Variants in RABGAP1L observed in about 807,000 individuals in gnomAD.
RABGAP1L encodes RAB GTPase activating protein 1 like.
RABGAP1L carries 63 observed loss-of-function variants against 137.7 expected under a neutral mutation model. The ratio of observed to expected loss-of-function variants is 0.46; its 90% confidence interval spans 0.37 to 0.56. The LOEUF is 0.56. Among genes scored for constraint, RABGAP1L ranks in the 20% least tolerant of loss-of-function variants. The pLI is 0.00. For missense variants in RABGAP1L, 1,095 were observed against 1,244.0 expected, an observed-to-expected ratio of 0.88 and a Z score of 1.80; for synonymous variants, 431 against 433.7, an observed-to-expected ratio of 0.99 and a Z score of 0.08.
At chr1:174,559,789 A>T (rs187718638) in intron 13 of RABGAP1L, among the ~76,000 whole-genome samples, 131 of 152,318 alleles carry the variant, frequency 8.6e-4, no homozygotes, top group African/African-American at 2.7e-3. Flanking sequence ...CCAGAAGTCC[A>T]CCTACCAGTG....
intron 14 of RABGAP1L, among the ~76,000 whole-genome samples, chr1:174,648,469 A>G (rs1041985054): frequency 6.6e-6 from 1 of 152,092 alleles, no homozygotes; most frequent in Non-Finnish European, 1.5e-5. Flanking sequence ...TTACCCAGTA[A>G]ACATTCCACA....
intron 20 of RABGAP1L, among the ~76,000 whole-genome samples, chr1:174,960,742 GGA>G (rs1401928472): frequency 6.6e-6 from 1 of 152,160 alleles, no homozygotes; most frequent in Non-Finnish European, 1.5e-5. Context: ...GAAGCAGGAG[GGA>G]GAGCTTCCTG....
Position 174,200,919 on chromosome 1 carries a change from T to A in RABGAP1L, c.-33-18206T>A, listed in dbSNP as rs372340638. Among the ~76,000 whole-genome samples the A allele has an allele frequency of 5.9e-5, 9 of 152,208 alleles. No individual in the cohort carries two copies. In the East Asian group the frequency reaches 1.2e-3, roughly 20 times the overall value. ...ATGTGTCCCCGTTTGGTTTCAGTTA[T>A]CCACATCTGAAGTCACTGTGGCTTT... On this transcript the variant is annotated intron_variant, in intron 1 of 25. Coordinates refer to ENST00000681986, the MANE Select transcript of RABGAP1L (RefSeq NM_001366446.1).
chr1:174,596,830 T>TA lies in RABGAP1L; in HGVS notation c.1711-40545_1711-40544insA, dbSNP rs1390298474. ...GAAAGATTTTCAGGTTTTACGCATA[T>TA]GTAGATGTGGTTCTTTTCTATATGG... On this transcript the variant is annotated intron_variant, in intron 13 of 25. Transcript: ENST00000681986. Among the ~76,000 whole-genome samples, 18 of 152,262 alleles carry TA rather than the reference T, an allele frequency of 1.2e-4. No individual in the cohort carries two copies. The South Asian group carries it at 1.4e-3, about 12-fold the overall frequency.
chr1:174,464,996 A>G (rs59102371), intron 13 of RABGAP1L, among the ~76,000 whole-genome samples: 5,271 of 151,962 alleles, frequency 0.035, 121 homozygotes, highest in Middle Eastern at 0.088. Context: ...GAGCCCCAAA[A>G]TCTTCCTATT....
intron 14 of RABGAP1L, among the ~76,000 whole-genome samples, chr1:174,651,173 A>C (rs1342885837): frequency 6.6e-6 from 1 of 151,578 alleles, no homozygotes. Context: ...CCTGAGTTCT[A>C]GTTTGATTGC....
intron 17 of RABGAP1L, among the ~76,000 whole-genome samples, chr1:174,739,863 T>C (rs941990309): frequency 2.6e-5 from 4 of 152,242 alleles, no homozygotes; most frequent in Non-Finnish European, 5.9e-5. Context: ...TAAAGTGTTA[T>C]ACAGATGGTG....
At chr1:174,347,163 A>G (rs1428786187) in intron 11 of RABGAP1L, among the ~76,000 whole-genome samples, 3 of 152,142 alleles carry the variant, frequency 2.0e-5, no homozygotes, top group African/African-American at 7.2e-5. Context: ...ATGATCCATG[A>G]GCTGAGGAGA....
chr1:174,298,237 T>TA (rs1677313783), intron 10 of RABGAP1L, among the ~76,000 whole-genome samples: 1 of 152,148 alleles, frequency 6.6e-6, no homozygotes, highest in African/African-American at 2.4e-5. Context: ...TTCCGTCTTC[T>TA]GTCCTTGCAT....
chr1:174,225,494 C>CT (rs59323156), intron 3 of RABGAP1L, among the ~76,000 whole-genome samples: 1,467 of 105,674 alleles, frequency 0.014, 23 homozygotes, highest in African/African-American at 0.027. Flanking sequence ...AGAATGTTGA[C>CT]TTTTTTTTTT....
At chr1:174,703,145 G>A (rs897551254) in intron 17 of RABGAP1L, among the ~76,000 whole-genome samples, 1 of 151,894 alleles carries the variant, frequency 6.6e-6, no homozygotes, top group Non-Finnish European at 1.5e-5. Flanking sequence ...AAATTTAAGG[G>A]GTACAAGTGA....
chr1:174,368,268 G>C (rs145084639), intron 11 of RABGAP1L, among the ~76,000 whole-genome samples: 69 of 152,290 alleles, frequency 4.5e-4, no homozygotes, highest in African/African-American at 1.5e-3. Context: ...ATGGATTGCT[G>C]ATAGTTCAGT....
intron 11 of RABGAP1L, among the ~76,000 whole-genome samples, chr1:174,354,250 A>T (rs1365981169): frequency 6.6e-6 from 1 of 151,438 alleles, no homozygotes; most frequent in African/African-American, 2.4e-5. Context: ...TTTTTTTTTA[A>T]ATTCAATTTA....
chr1:174,185,146 C>G (rs1395607868), intron 1 of RABGAP1L, among the ~76,000 whole-genome samples: 1 of 152,200 alleles, frequency 6.6e-6, no homozygotes, highest in Non-Finnish European at 1.5e-5. Flanking sequence ...TGTCAGTGCT[C>G]TCTGCTATCC....
At chr1:174,588,112 C>G (rs951833214) in intron 13 of RABGAP1L, among the ~76,000 whole-genome samples, 1 of 151,758 alleles carries the variant, frequency 6.6e-6, no homozygotes, top group Admixed American at 6.6e-5. Flanking sequence ...GTGATCCACC[C>G]GCCTCGGCTT....
Position 174,876,293 on chromosome 1 carries a change from C to G in RABGAP1L, c.2340+64333C>G, listed in dbSNP as rs34172033. Reference sequence around the variant, plus strand: ...TCAACTTATTTCTTTTGATTTTAGACGAACTTGCCAAATTAATTTCTAGTT... The same window carrying G: ...TCAACTTATTTCTTTTGATTTTAGAGGAACTTGCCAAATTAATTTCTAGTT... On this transcript the variant is annotated intron_variant, in intron 19 of 25. Transcript: ENST00000681986. 4.0e-3 allele frequency among the ~76,000 whole-genome samples: 609 copies of G among 152,150 alleles called. 2 individuals carry two copies. The highest frequency in any genetic ancestry group is 7.2e-3 in the Non-Finnish European group (488 of 67,970).
At chr1:174,363,126 G>A (rs139398557) in intron 11 of RABGAP1L, among the ~76,000 whole-genome samples, 1 of 152,208 alleles carries the variant, frequency 6.6e-6, no homozygotes, top group Non-Finnish European at 1.5e-5. Context: ...TCTCTATTCT[G>A]TTCCATTGGT....
chr1:174,418,852 A>T (rs1650916948), intron 13 of RABGAP1L, among the ~76,000 whole-genome samples: 1 of 152,146 alleles, frequency 6.6e-6, no homozygotes, highest in Admixed American at 6.5e-5. Flanking sequence ...CAGCCTGGGC[A>T]ACATGATGAA....
intron 13 of RABGAP1L, among the ~76,000 whole-genome samples, chr1:174,600,700 T>C (rs916369331): frequency 5.3e-5 from 8 of 152,228 alleles, no homozygotes; most frequent in Non-Finnish European, 8.8e-5. Flanking sequence ...TCCCATCATC[T>C]TGGGTAGCTC....
Sources: gnomAD v4.1 joint callset for allele counts (sites outside exome capture counted in the v4.1 genomes callset) on GRCh38, gnomAD v4.1.1 for gene constraint, MANE v1.5 for transcripts, NCBI Gene and HGNC (gene_info 2026-07-23, HGNC 2026-07-21) for gene names.